NAV2: variants seen among roughly 807,000 people sequenced by gnomAD.
NAV2 encodes the protein helicase, APC down-regulated 1.
In NAV2, 54 loss-of-function variants were observed where a neutral mutation model predicts 223.2. The ratio of observed to expected loss-of-function variants is 0.24; its 90% CI spans 0.19 to 0.30. The LOEUF is 0.30. Ranked by LOEUF, NAV2 falls within the 10% of genes least tolerant of loss-of-function variation. NAV2 has a pLI of 1.00. For missense variants in NAV2, 2,806 were observed against 3,147.5 expected (o/e 0.89, Z 2.60); for synonymous variants, 1,279 against 1,239.3 (o/e 1.03, Z -0.67).
chr11:20,106,181 GTGTATATATA>G (rs1299826855), intron 35 of NAV2, among the ~76,000 whole-genome samples: 3 of 14,908 alleles, frequency 2.0e-4, no homozygotes, highest in African/African-American at 3.0e-4. Flanking sequence ...ATATATGTGT[GTGTATATATA>G]TATATATATA....
chr11:20,025,559 C>T (rs539551252), intron 11 of NAV2, among the ~76,000 whole-genome samples: 29 of 152,268 alleles, frequency 1.9e-4, no homozygotes, highest in South Asian at 1.5e-3. Context: ...CTTTCTAACG[C>T]GACCAAGCTC....
rs117582106 is a variant in NAV2, at chr11:20,100,022, T to C, written c.6182-915T>C. Among the ~76,000 whole-genome samples the C allele has an allele frequency of 5.2e-3, 791 of 152,200 alleles. 3 individuals are homozygous for C. The highest frequency in any genetic ancestry group is 8.8e-3 in the Non-Finnish European group (598 of 68,012). Reference sequence around the variant, plus strand: ...CATTGTACACTTAGATATAGATGCATTGGGGGGATCTGCTAGCAGTGACTG... The same window carrying C: ...CATTGTACACTTAGATATAGATGCACTGGGGGGATCTGCTAGCAGTGACTG... On this transcript the variant is annotated intron_variant, in intron 31 of 37. Coordinates refer to ENST00000349880, the MANE Select transcript of NAV2 (RefSeq NM_145117.5).
chr11:19,912,480 C>T (rs2043395954), intron 6 of NAV2, among the ~76,000 whole-genome samples: 1 of 152,168 alleles, frequency 6.6e-6, no homozygotes, highest in Admixed American at 6.5e-5. Context: ...CCTGACGCCC[C>T]TTACCCAGCC....
At chr11:19,465,552 G>T (rs866629118) in intron 1 of NAV2, among the ~76,000 whole-genome samples, 19 of 152,282 alleles carry the variant, frequency 1.2e-4, no homozygotes, top group Middle Eastern at 6.8e-3. Context: ...ACCTTTTTGT[G>T]TGTTGGAAAG....
intron 1 of NAV2, among the ~76,000 whole-genome samples, chr11:19,666,533 C>T (rs148147058): frequency 3.7e-4 from 57 of 152,268 alleles, no homozygotes; most frequent in African/African-American, 1.3e-3. Flanking sequence ...TGGATGTTTG[C>T]TTCTCCCCTG....
intron 6 of NAV2, among the ~76,000 whole-genome samples, chr11:19,931,111 A>T (rs1021344406): frequency 3.3e-5 from 5 of 152,130 alleles, no homozygotes; most frequent in African/African-American, 1.2e-4. Flanking sequence ...TCACTCTTAA[A>T]ATAGGGGCAG....
intron 1 of NAV2, among the ~76,000 whole-genome samples, chr11:19,803,943 G>A (rs1278836886): frequency 6.6e-6 from 1 of 152,238 alleles, no homozygotes; most frequent in African/African-American, 2.4e-5. Context: ...GCAAGGGTAG[G>A]GTAGAGCTTG....
chr11:19,951,038 T>C (rs1428378901), intron 10 of NAV2, among the ~76,000 whole-genome samples: 1 of 152,114 alleles, frequency 6.6e-6, no homozygotes, highest in South Asian at 2.1e-4. Context: ...ACAAGGTGGG[T>C]CAGATAATTT....
At chr11:19,578,543 C>T (rs1001754160) in intron 1 of NAV2, among the ~76,000 whole-genome samples, 27 of 152,188 alleles carry the variant, frequency 1.8e-4, no homozygotes, top group African/African-American at 5.8e-4. Flanking sequence ...TGGCCCTGCT[C>T]TGTGGTGACA....
chr11:19,898,463 A>C (rs1457295069), intron 6 of NAV2, among the ~76,000 whole-genome samples: 3 of 152,206 alleles, frequency 2.0e-5, no homozygotes, highest in African/African-American at 7.2e-5. Flanking sequence ...TATTACTTTC[A>C]AAATCTTTTA....
intron 1 of NAV2, among the ~76,000 whole-genome samples, chr11:19,599,285 G>A (rs1280472020): frequency 6.6e-6 from 1 of 152,146 alleles, no homozygotes; most frequent in Non-Finnish European, 1.5e-5. Flanking sequence ...CAGTGGAATT[G>A]CAAATGGTTT....
At chr11:19,606,475 T>A (rs188514048) in intron 1 of NAV2, among the ~76,000 whole-genome samples, 2 of 152,136 alleles carry the variant, frequency 1.3e-5, no homozygotes, top group African/African-American at 4.8e-5. Flanking sequence ...CTTCTCCATT[T>A]TCCACTTTTT....
chr11:19,708,699 G>T (rs549997150), upstream of NAV2, among the ~76,000 whole-genome samples: 4 of 152,286 alleles, frequency 2.6e-5, no homozygotes, highest in South Asian at 8.3e-4. Flanking sequence ...ATGGCTCTTA[G>T]AACCAGGGAA....
intron 1 of NAV2, among the ~76,000 whole-genome samples, chr11:19,353,961 G>T (rs1853467052): frequency 6.6e-6 from 1 of 152,186 alleles, no homozygotes; most frequent in Non-Finnish European, 1.5e-5. Context: ...TAATGTGGGT[G>T]CCTGTCTGAG....
intron 1 of NAV2, among the ~76,000 whole-genome samples, chr11:19,668,357 A>G (rs2048478900): frequency 6.6e-6 from 1 of 152,090 alleles, no homozygotes; most frequent in South Asian, 2.1e-4. Flanking sequence ...ACATGGCGAA[A>G]CCTCACCTCT....
chr11:19,460,488 T>A (rs963735408), intron 1 of NAV2, among the ~76,000 whole-genome samples: 1 of 152,072 alleles, frequency 6.6e-6, no homozygotes, highest in African/African-American at 2.4e-5. Flanking sequence ...TTTCATCATT[T>A]AAAAAATTCC....
intron 1 of NAV2, among the ~76,000 whole-genome samples, chr11:19,742,635 T>C (rs541980301): frequency 6.6e-6 from 1 of 152,266 alleles, no homozygotes; most frequent in Non-Finnish European, 1.5e-5. Context: ...GTTACAGGGC[T>C]GGTTCCCCTG....
chr11:19,527,753 G>A (rs1282112397), intron 1 of NAV2, among the ~76,000 whole-genome samples: 1 of 151,972 alleles, frequency 6.6e-6, no homozygotes, highest in African/African-American at 2.4e-5. Flanking sequence ...GTCTGTCTTA[G>A]GGTCCACACA....
At chr11:19,529,954 G>A (rs1467714428) in intron 1 of NAV2, among the ~76,000 whole-genome samples, 4 of 152,166 alleles carry the variant, frequency 2.6e-5, no homozygotes, top group African/African-American at 9.7e-5. Context: ...TAGGGGTGTG[G>A]GAGGTTGCTG....
Sources: allele counts gnomAD v4.1 joint callset (sites outside exome capture counted in the v4.1 genomes callset), GRCh38; gene constraint gnomAD v4.1.1; transcripts MANE v1.5; gene names NCBI Gene and HGNC (gene_info 2026-07-23, HGNC 2026-07-21).